ZMYND11: variants seen among roughly 807,000 people sequenced by gnomAD.
The protein encoded by ZMYND11 is zinc finger MYND domain-containing protein 11.
ZMYND11 carries 9 observed loss-of-function variants against 84.9 expected under a neutral mutation model. The ratio of observed to expected loss-of-function variants is 0.11; its 90% CI spans 0.06 to 0.18. ZMYND11 has a LOEUF of 0.18. Among genes scored for constraint, ZMYND11 ranks in the 10% least tolerant of loss-of-function variants. The pLI, the probability that ZMYND11 is intolerant of heterozygous loss-of-function variation, is 1.00. For missense variants in ZMYND11, 409 were observed against 761.0 expected, an observed-to-expected ratio of 0.54 and a Z score of 5.44; for synonymous variants, 250 against 244.1, an observed-to-expected ratio of 1.02 and a Z score of -0.23.
intron 1 of ZMYND11, among the ~76,000 whole-genome samples, chr10:151,285 C>T (rs1441548295): frequency 2.6e-5 from 4 of 152,148 alleles, no homozygotes; most frequent in Admixed American, 2.0e-4. Context: ...GGAGGAAGTT[C>T]GAACCCATCG....
At chr10:159,869 TTTCA>T (rs372516711) in intron 1 of ZMYND11, among the ~76,000 whole-genome samples, 6 of 152,318 alleles carry the variant, frequency 3.9e-5, no homozygotes, top group Non-Finnish European at 7.3e-5. Context: ...TGATTGTATT[TTTCA>T]TTCATTCTTT....
intron 14 of ZMYND11, chr10:249,626 C>T: frequency 1.0e-6 from 1 of 985,410 alleles, no homozygotes; most frequent in Non-Finnish European, 1.2e-6. Flanking sequence ...TCCTGCTCGC[C>T]AGTCTCATCC....
intron 2 of ZMYND11, among the ~76,000 whole-genome samples, chr10:201,585 T>TACACACACACAC (rs56058145): frequency 0.051 from 7,473 of 146,130 alleles, 219 homozygotes; most frequent in Non-Finnish European, 0.057. Context: ...TACCATGAAA[T>TACACACACACAC]ACACACACAC....
At chr10:197,855 T>A (rs1433610553) in intron 2 of ZMYND11, 2 of 517,914 alleles carry the variant, frequency 3.9e-6, no homozygotes, top group Non-Finnish European at 6.9e-6. Context: ...TACTTTTACT[T>A]TTTTCCAACT....
chr10:199,789 G>A (rs1189419937), intron 2 of ZMYND11, among the ~76,000 whole-genome samples: 1 of 151,950 alleles, frequency 6.6e-6, no homozygotes, highest in African/African-American at 2.4e-5. Flanking sequence ...CTATCAAGTG[G>A]ATATACTTTA....
In ZMYND11 at chr10:223,032, C is replaced by CTTTTTT. The variant is rs11362687; in HGVS notation, c.438+1684_438+1689dup. ...GATTCCATTTTGTGTTTCCTTTACT[C>CTTTTTT]TTTTTTTTTTTTTCTGAGACTGAGT... On this transcript the variant is annotated intron_variant, in intron 4 of 14. Coordinates refer to ENST00000381604, the MANE Select transcript of ZMYND11 (RefSeq NM_001370100.5). Among the ~76,000 whole-genome samples, 605 of 144,186 alleles carry CTTTTTT rather than the reference C, an allele frequency of 4.2e-3. 3 individuals carry two copies. Among genetic ancestry groups the CTTTTTT allele is most frequent in the African/African-American group, 0.015 (576 of 39,360 alleles). The allele number at this position is 144,186 out of a possible 152,430, so 94.6% of individuals were successfully genotyped here. A position where few individuals can be genotyped will look rare whatever the true frequency, so the allele number is the denominator to read the frequency against.
At chr10:144,386 T>G (rs1266579193) in intron 1 of ZMYND11, among the ~76,000 whole-genome samples, 1 of 152,000 alleles carries the variant, frequency 6.6e-6, no homozygotes, top group African/African-American at 2.4e-5. Context: ...ACCTGGCTAA[T>G]TTTTGTATTT....
At chr10:229,550 T>A (rs1432811207) in intron 4 of ZMYND11, among the ~76,000 whole-genome samples, 13 of 152,150 alleles carry the variant, frequency 8.5e-5, no homozygotes, top group Non-Finnish European at 1.9e-4. Flanking sequence ...TGTGATTCGT[T>A]CCATAGGCAG....
chr10:175,244 A>G (rs970161834), intron 1 of ZMYND11, among the ~76,000 whole-genome samples: 6 of 152,148 alleles, frequency 3.9e-5, no homozygotes, highest in African/African-American at 7.2e-5. Context: ...TTTCCACTCA[A>G]TTTTGCTGTG....
chr10:204,968 T>C (rs1943872720), intron 2 of ZMYND11, among the ~76,000 whole-genome samples: 1 of 152,038 alleles, frequency 6.6e-6, no homozygotes, highest in Non-Finnish European at 1.5e-5. Flanking sequence ...TCTTTGTCTA[T>C]GCTGTTTTGT....
At chr10:132,997 G>T (rs1401002762), upstream of ZMYND11, among the ~76,000 whole-genome samples, 2 of 152,178 alleles carry the variant, frequency 1.3e-5, no homozygotes, top group Non-Finnish European at 2.9e-5. Flanking sequence ...TTAGTTACTG[G>T]TCTTCTGGGC....
chr10:188,133 T>C (rs1360418229), intron 2 of ZMYND11, among the ~76,000 whole-genome samples: 1 of 152,284 alleles, frequency 6.6e-6, no homozygotes, highest in East Asian at 1.9e-4. Flanking sequence ...TAATAAACTT[T>C]TGAAAGTTAT....
chr10:248,851 GGTCT>G, intron 13 of ZMYND11, 48 bp from the exon 14 acceptor site: 1 of 1,558,102 alleles, frequency 6.4e-7, no homozygotes, highest in East Asian at 2.4e-5. Flanking sequence ...CAGTGTAGAT[GGTCT>G]GTGTTAAGTT....
At chr10:201,742 T>C (rs879271181) in intron 2 of ZMYND11, among the ~76,000 whole-genome samples, 1 of 152,088 alleles carries the variant, frequency 6.6e-6, no homozygotes, top group Non-Finnish European at 1.5e-5. Context: ...GGGAGCGCTC[T>C]GGGGTGCCAG....
chr10:201,127 TCTGAGCCAGTACA>T (rs1943067286), intron 2 of ZMYND11, among the ~76,000 whole-genome samples: 1 of 152,086 alleles, frequency 6.6e-6, no homozygotes, highest in Non-Finnish European at 1.5e-5. Context: ...TTTTCAGTCC[TCTGAGCCAGTACA>T]CTGAGCCAGT....
intron 2 of ZMYND11, among the ~76,000 whole-genome samples, chr10:199,326 CCTCT>C (rs1320561664): frequency 2.9e-5 from 3 of 103,854 alleles, no homozygotes; most frequent in African/African-American, 1.0e-4. Flanking sequence ...TCCCTCCCTC[CCTCT>C]CTCCCTCCGT....
At position 253,637 on chromosome 10, in the gene ZMYND11, A is replaced by C. The variant is rs1029351347; in HGVS notation, c.*1167A>C. 2.6e-5 allele frequency: 4 copies of C among 152,676 alleles called. No homozygotes were observed. The highest frequency in any genetic ancestry group is 9.6e-5 in the African/African-American group (4 of 41,480). The allele number at this position is 152,676 out of a possible 1,614,324, so 9.5% of individuals were successfully genotyped here. ...ATACATAGATATATAAAATACAGCC[A>C]GGAAAACTTAAATTACTTTTCTTTT... On this transcript the variant is annotated 3_prime_UTR_variant, in exon 15 of 15. Transcript: ENST00000381604.
At chr10:237,554 C>A (rs1950189639) in intron 5 of ZMYND11, 31 bp from the exon 6 acceptor site, 4 of 1,405,454 alleles carry the variant, frequency 2.8e-6, no homozygotes, top group Non-Finnish European at 4.0e-6. Context: ...CCTTTAACCA[C>A]ATTTAAATTG....
Position 221,347 on chromosome 10 carries a change from A to G in ZMYND11, c.429A>G (p.Pro143=). 9 of 1,613,500 alleles carry G rather than the reference A, an allele frequency of 5.6e-6. No individual in the cohort carries two copies. Among genetic ancestry groups the G allele is most frequent in the Non-Finnish European group, 7.6e-6 (9 of 1,179,640 alleles). Residue 143 remains proline, a synonymous_variant, in exon 4 of 15, where the codon CCA becomes CCG. Coordinates refer to ENST00000381604, the MANE Select transcript of ZMYND11 (RefSeq NM_001370100.5). ...LRDSSSPWQC[P]VCRSIKKKNT... ...ACAGCAGTAGTCCCTGGCAGTGCCCAGTTTGCAGGGTGAGTACCTATGAGC... is the reference window on the plus strand; with the variant it reads ...ACAGCAGTAGTCCCTGGCAGTGCCCGGTTTGCAGGGTGAGTACCTATGAGC...
Sources: allele counts gnomAD v4.1 joint callset (sites outside exome capture counted in the v4.1 genomes callset), GRCh38; gene constraint gnomAD v4.1.1; transcripts MANE v1.5; gene names NCBI Gene and HGNC (gene_info 2026-07-23, HGNC 2026-07-21).